Variants in MYCBP2 observed in about 807,000 individuals in gnomAD.
The protein encoded by MYCBP2 is MYC binding protein 2.
A neutral mutation model predicts 525.3 loss-of-function variants in MYCBP2; 120 were observed. The observed-to-expected ratio is 0.23, with a 90% CI of 0.20 to 0.27. The LOEUF (loss-of-function observed/expected upper bound fraction) is 0.27, where lower values mean the gene tolerates loss of function less well. Ranked by LOEUF, MYCBP2 falls within the 10% of genes least tolerant of loss-of-function variation. The pLI, the probability that MYCBP2 is intolerant of heterozygous loss-of-function variation, is 1.00. For synonymous variants in MYCBP2, 1,894 were observed against 1,955.8 expected (o/e 0.97, Z 0.83); for missense variants, 4,149 against 5,657.1 (o/e 0.73, Z 8.55).
intron 4 of MYCBP2, among the ~76,000 whole-genome samples, chr13:77,274,175 T>C (rs1056855388): frequency 1.3e-5 from 2 of 152,160 alleles, no homozygotes; most frequent in Admixed American, 6.6e-5. Context: ...TAGAAAAACC[T>C]CCAAGTCAAT....
At chr13:77,118,193 CTTAGA>C in intron 55 of MYCBP2, 1 of 584,556 alleles carries the variant, frequency 1.7e-6, no homozygotes, top group Non-Finnish European at 3.0e-6. Flanking sequence ...CTCAGAATAG[CTTAGA>C]TATTTCAAAA....
intron 55 of MYCBP2, among the ~76,000 whole-genome samples, chr13:77,114,037 A>G (rs1480987430): frequency 2.0e-5 from 3 of 152,186 alleles, no homozygotes; most frequent in African/African-American, 7.2e-5. Flanking sequence ...TGACAAATAC[A>G]GTGCTGAGAT....
chr13:77,220,803 C>T (rs770464336), intron 20 of MYCBP2, among the ~76,000 whole-genome samples: 4 of 152,130 alleles, frequency 2.6e-5, no homozygotes, highest in Non-Finnish European at 5.9e-5. Context: ...AAAGTCCAGA[C>T]AGACAGGGTA....
chr13:77,156,024 T>C (rs757939107), intron 46 of MYCBP2, 34 bp downstream of exon 46: 1 of 1,599,288 alleles, frequency 6.3e-7, no homozygotes, highest in East Asian at 2.2e-5. Flanking sequence ...AGCCAGTATA[T>C]AGATGTCTGC....
In MYCBP2 at chr13:77,126,495, G is replaced by A; in HGVS notation, c.7707C>T (p.Cys2569=). ...CTTGCATTGTTGCTTCCTGTGGGCAGCAGGAGTTTATGTCTTTGAAAAAGT... is the reference window on the plus strand; with the variant it reads ...CTTGCATTGTTGCTTCCTGTGGGCAACAGGAGTTTATGTCTTTGAAAAAGT... ...TDDFFKDINS[C]CPQEATMQEQ... Residue 2569 remains cysteine, a synonymous_variant, in exon 53 of 83, where the codon TGC becomes TGT. Coordinates refer to ENST00000544440, the MANE Select transcript of MYCBP2 (RefSeq NM_015057.5). 1 of 1,613,876 alleles carries A rather than the reference G, an allele frequency of 6.2e-7. No homozygotes were observed. The highest frequency in any genetic ancestry group is 8.5e-7 in the Non-Finnish European group (1 of 1,179,828).
At chr13:77,186,842 A>G (rs1161381995) in intron 30 of MYCBP2, among the ~76,000 whole-genome samples, 4 of 130,018 alleles carry the variant, frequency 3.1e-5, no homozygotes, top group East Asian at 4.4e-4. Flanking sequence ...GTCTTCCTCT[A>G]TCACCCAGAC....
At chr13:77,097,021 T>G (rs976973062) in intron 56 of MYCBP2, among the ~76,000 whole-genome samples, 1 of 152,170 alleles carries the variant, frequency 6.6e-6, no homozygotes, top group African/African-American at 2.4e-5. Flanking sequence ...AATTTGCAAT[T>G]CTGAACAGGA....
chr13:77,082,963 T>C (rs1458717972), intron 63 of MYCBP2, 69 bp downstream of exon 63: 1 of 1,452,004 alleles, frequency 6.9e-7, no homozygotes, highest in Admixed American at 2.1e-5. Context: ...TTTTGGAGCA[T>C]TTCATACTTT....
At position 77,097,511 on chromosome 13, in the gene MYCBP2, CCTTTT is replaced by C; in HGVS notation, c.9638_9642del (p.Glu3213GlyfsTer4). On this transcript the variant is annotated frameshift_variant, in exon 56 of 83. Coordinates refer to ENST00000544440, the MANE Select transcript of MYCBP2 (RefSeq NM_015057.5). LOFTEE classifies it high-confidence loss of function. The stretch of plus-strand genomic sequence containing the variant: ...AAATTACCCCTGGGCCTAACTTCTG[CCTTTT>C]CTTTTTTCTTTTTTTCCTTTTTGGA... 6.2e-7 allele frequency: 1 copy of C among 1,612,520 alleles called. No individual in the cohort carries two copies.
chr13:77,093,120 C>G (rs1181637075), intron 59 of MYCBP2, 45 bp downstream of exon 59: 1 of 1,531,284 alleles, frequency 6.5e-7, no homozygotes, highest in Non-Finnish European at 8.8e-7. Flanking sequence ...AGTCTTTCTT[C>G]CACCAAACAC....
intron 23 of MYCBP2, among the ~76,000 whole-genome samples, chr13:77,210,414 G>A (rs193143535): frequency 7.2e-5 from 11 of 151,986 alleles, no homozygotes; most frequent in East Asian, 1.9e-4. Flanking sequence ...GGATGGTCTC[G>A]ATCTCCTGAC....
At chr13:77,092,452 A>G (rs1007941958) in intron 59 of MYCBP2, 2 of 146,656 alleles carry the variant, frequency 1.4e-5, no homozygotes, top group African/African-American at 5.0e-5. Context: ...GTGGTACTCT[A>G]TTTTTTTTTT....
chr13:77,269,629 T>TA lies in MYCBP2; in HGVS notation c.1260+362dup, dbSNP rs531828422. On this transcript the variant is annotated intron_variant, in intron 7 of 82. Transcript: ENST00000544440. ...TGACACAGCGAGATTCTGTCTCAAT[T>TA]AAAAAAAAAAATGTGCTAATGATAA... is the stretch of plus-strand genomic sequence containing the variant. 6.8e-3 allele frequency among the ~76,000 whole-genome samples: 1,007 copies of TA among 147,848 alleles called. 12 individuals carry two copies. Among genetic ancestry groups the TA allele is most frequent in the African/African-American group, 0.023 (935 of 40,548 alleles).
rs765741761 is a variant in MYCBP2 at position 77,180,202 on chromosome 13, G to A, written c.5058C>T (p.Ser1686=). 1 of 1,614,042 alleles carries A rather than the reference G, an allele frequency of 6.2e-7. No individual in the cohort carries two copies. Among genetic ancestry groups the A allele is most frequent in the South Asian group, 1.1e-5 (1 of 91,076 alleles). ...ATCCACAGGTGTTAGAGACGAGGTGGGAGGAGAAGAGTTCATTTTCTCTCC... is the reference window on the plus strand; with the variant it reads ...ATCCACAGGTGTTAGAGACGAGGTGAGAGGAGAAGAGTTCATTTTCTCTCC... The part of the protein sequence containing the change: ...SLRRENELFS[S]HLVSNTCGLL... The change falls in exon 34 of 83, where the codon TCC becomes TCT. Residue 1686 remains serine (S), a synonymous_variant. Transcript: ENST00000544440.
intron 48 of MYCBP2, 46 bp from the exon 49 acceptor site, chr13:77,144,606 G>T: frequency 8.2e-7 from 1 of 1,223,642 alleles, no homozygotes; most frequent in Non-Finnish European, 1.2e-6. Context: ...TTTTGGTTAA[G>T]CAGTCAACAT....
At chr13:77,052,005 C>T in intron 80 of MYCBP2, 87 bp from the exon 81 acceptor site, 1 of 1,009,160 alleles carries the variant, frequency 9.9e-7, no homozygotes, top group Non-Finnish European at 1.5e-6. Flanking sequence ...AAAGTAAGAT[C>T]TAGGGGTTTT....
rs536516905 is a variant in MYCBP2, at chr13:77,284,516, G to T, written c.594+3645C>A. 4.9e-4 allele frequency among the ~76,000 whole-genome samples: 74 copies of T among 152,208 alleles called. 1 individual carries two copies. The highest frequency in any genetic ancestry group is 1.8e-3 in the African/African-American group (73 of 41,524). On this transcript the variant is annotated intron_variant, in intron 3 of 82. Transcript: ENST00000544440. The stretch of plus-strand genomic sequence containing the variant: ...GGCTGCCAAAAAATATCACCTGAAA[G>T]TTTCACTCCCCACCCATAGTATCTG...
At chr13:77,131,182 A>G (rs1393980687) in intron 52 of MYCBP2, among the ~76,000 whole-genome samples, 1 of 152,184 alleles carries the variant, frequency 6.6e-6, no homozygotes, top group Non-Finnish European at 1.5e-5. Flanking sequence ...TTTATCAAGA[A>G]GCAGAAATTT....
At chr13:77,260,384 A>G (rs1328923369) in intron 13 of MYCBP2, 44 bp downstream of exon 13, 1 of 1,420,166 alleles carries the variant, frequency 7.0e-7, no homozygotes, top group Non-Finnish European at 9.5e-7. Context: ...CATAACTAGT[A>G]TTGAAACTTC....
Sources: allele counts gnomAD v4.1 joint callset (sites outside exome capture counted in the v4.1 genomes callset), GRCh38; gene constraint gnomAD v4.1.1; transcripts MANE v1.5; gene names NCBI Gene and HGNC (gene_info 2026-07-23, HGNC 2026-07-21).